Variants in CALU observed in about 807,000 individuals in gnomAD.
The protein encoded by CALU is calumenin.
In CALU, 13 loss-of-function variants were observed where a neutral mutation model predicts 37.5. The ratio of observed to expected loss-of-function variants is 0.35; its 90% CI spans 0.23 to 0.55. The LOEUF is 0.55. Among genes scored for constraint, CALU ranks in the 20% least tolerant of loss-of-function variants. The pLI is 0.89. For synonymous variants in CALU, 114 were observed against 133.8 expected (o/e 0.85, Z 1.02); for missense variants, 282 against 391.7 (o/e 0.72, Z 2.36).
intron 1 of CALU, among the ~76,000 whole-genome samples, chr7:128,744,574 G>T (rs562676724): frequency 6.6e-6 from 1 of 152,000 alleles, no homozygotes; most frequent in South Asian, 2.1e-4. Flanking sequence ...AAGAAGTAAA[G>T]ATGGACCATT....
intron 3 of CALU, among the ~76,000 whole-genome samples, chr7:128,756,254 C>A (rs990711316): frequency 5.9e-5 from 9 of 152,184 alleles, no homozygotes; most frequent in Non-Finnish European, 1.2e-4. Context: ...TCAGCTCCGA[C>A]CTAGGCACTC....
chr7:128,761,523 G>A (rs1043216141), intron 5 of CALU: 3 of 152,180 alleles, frequency 2.0e-5, no homozygotes, highest in Admixed American at 1.3e-4. Context: ...TCAAAACTGT[G>A]CTGATTAGTA....
At chr7:128,753,736 CTT>C (rs1276184500) in intron 2 of CALU, among the ~76,000 whole-genome samples, 1 of 152,060 alleles carries the variant, frequency 6.6e-6, no homozygotes, top group Non-Finnish European at 1.5e-5. Context: ...TTTCTGATAT[CTT>C]TGTATTTTTA....
At chr7:128,740,465 G>C (rs1455774202) in intron 1 of CALU, among the ~76,000 whole-genome samples, 2 of 151,952 alleles carry the variant, frequency 1.3e-5, no homozygotes, top group Non-Finnish European at 2.9e-5. Flanking sequence ...CCATAGAATG[G>C]AACTTGACAC....
Position 128,770,070 on chromosome 7 carries a change from C to G in CALU, c.*903C>G, listed in dbSNP as rs1801500880. ...ATGCCCCCATCCGGTTCCTCTTCTT[C>G]CCAGGTGTGCCAAGGAATTAATCTT... On this transcript the variant is annotated 3_prime_UTR_variant, in exon 7 of 7. Coordinates refer to ENST00000249364, the MANE Select transcript of CALU (RefSeq NM_001219.5). 1 of 152,584 alleles carries G rather than the reference C, an allele frequency of 6.6e-6. No individual in the cohort carries two copies. The highest frequency in any genetic ancestry group is 2.1e-4 in the South Asian group (1 of 4,818). The allele number at this position is 152,584 out of a possible 1,614,324, so 9.5% of individuals were successfully genotyped here. A position where few individuals can be genotyped will look rare whatever the true frequency, so the allele number is the denominator to read the frequency against.
intron 2 of CALU, 116 bp downstream of exon 2, chr7:128,748,920 T>C (rs1310757734): frequency 3.1e-6 from 2 of 651,920 alleles, no homozygotes; most frequent in African/African-American, 3.7e-5. Flanking sequence ...TAATACATCT[T>C]CTGAAAGCTA....
intron 1 of CALU, among the ~76,000 whole-genome samples, chr7:128,744,613 C>G (rs986404669): frequency 6.6e-6 from 1 of 151,858 alleles, no homozygotes; most frequent in African/African-American, 2.4e-5. Flanking sequence ...CCTTGATGAC[C>G]GTTGTAGGCA....
At chr7:128,759,974 T>A in intron 5 of CALU, 122 bp downstream of exon 5, 1 of 604,620 alleles carries the variant, frequency 1.7e-6, no homozygotes, top group East Asian at 3.1e-5. Flanking sequence ...GGCGGGCAGA[T>A]CACCTGAGGT....
intron 4 of CALU, among the ~76,000 whole-genome samples, chr7:128,759,384 A>G (rs888141140): frequency 6.6e-6 from 1 of 152,242 alleles, no homozygotes; most frequent in African/African-American, 2.4e-5. Context: ...AATAACAGTG[A>G]TACTAAAGAA....
rs376487937 is a variant in CALU at position 128,754,466 on chromosome 7, A to G, written c.415+11A>G. The G allele has an allele frequency of 6.2e-6, 10 of 1,610,492 alleles. No individual in the cohort carries two copies. The highest frequency in any genetic ancestry group is 3.4e-5 in the Admixed American group (2 of 59,490). On this transcript the variant is annotated intron_variant, in intron 3 of 6. Coordinates refer to ENST00000249364, the MANE Select transcript of CALU (RefSeq NM_001219.5). ...ACGGCTACGTTTTAGGTAGGTCCCTACTGTCTGGGGGAAAAAGCCTTGTGG... is the reference window on the plus strand; with the variant it reads ...ACGGCTACGTTTTAGGTAGGTCCCTGCTGTCTGGGGGAAAAAGCCTTGTGG...
chr7:128,752,747 C>T (rs542435749), intron 2 of CALU, among the ~76,000 whole-genome samples: 1 of 152,274 alleles, frequency 6.6e-6, no homozygotes, highest in South Asian at 2.1e-4. Flanking sequence ...TGCAGTGGCG[C>T]GATCTCAACT....
Position 128,772,054 on chromosome 7 carries a change from GTT to G in CALU, c.*2894_*2895del, listed in dbSNP as rs201424020. 3.3e-4 allele frequency among the ~76,000 whole-genome samples: 36 copies of G among 110,328 alleles called. No individual in the cohort carries two copies. The highest frequency in any genetic ancestry group is 1.1e-3 in the African/African-American group (32 of 28,938). The allele number at this position is 110,328 out of a possible 152,430, so 72.4% of individuals were successfully genotyped here. Reference sequence around the variant, plus strand: ...TCAAACTCATATTTGGGGCCACTGAGTTTTTTTTGTTTTTTTTTTTGTTTTGT... The same window carrying G: ...TCAAACTCATATTTGGGGCCACTGAGTTTTTTGTTTTTTTTTTTGTTTTGT... On this transcript the variant is annotated 3_prime_UTR_variant, in exon 7 of 7. Coordinates refer to ENST00000249364, the MANE Select transcript of CALU (RefSeq NM_001219.5).
chr7:128,740,638 G>A (rs1253648206), intron 1 of CALU, among the ~76,000 whole-genome samples: 13 of 106,954 alleles, frequency 1.2e-4, no homozygotes, highest in African/African-American at 4.4e-4. Flanking sequence ...CTAATCTGAG[G>A]TTTTACTGTG....
rs114225769 is a variant in CALU, at chr7:128,746,466, T to A, written c.-11-2107T>A. The stretch of plus-strand genomic sequence containing the variant: ...AGCCACCATGCCTGGCTGCTTTTTT[T>A]ATTTTTTTTGAGATAGGATCTCTGT... On this transcript the variant is annotated intron_variant, in intron 1 of 6. Coordinates refer to ENST00000249364, the MANE Select transcript of CALU (RefSeq NM_001219.5). Among the ~76,000 whole-genome samples the A allele has an allele frequency of 9.7e-3, 1,474 of 152,042 alleles. 37 individuals carry two copies. The highest frequency in any genetic ancestry group is 0.034 in the African/African-American group (1,393 of 41,458).
rs756481925 is a variant in CALU at position 128,753,611 on chromosome 7, C to G, written c.222-651C>G. 8.1e-4 allele frequency among the ~76,000 whole-genome samples: 123 copies of G among 152,294 alleles called. No homozygotes were observed. In the Middle Eastern group the frequency reaches 0.01, roughly 13 times the overall value. ...GAGTTCTCTGTTTTCATGTAAAAAT[C>G]CAATTCAACACAGTATTTAAAAGCT... On this transcript the variant is annotated intron_variant, in intron 2 of 6. Transcript: ENST00000249364.
chr7:128,766,438 T>C (rs1801335655), intron 5 of CALU, among the ~76,000 whole-genome samples: 1 of 146,150 alleles, frequency 6.8e-6, no homozygotes, highest in Non-Finnish European at 1.5e-5. Flanking sequence ...TTTTTTTTTT[T>C]TTTTTTTTGA....
intron 2 of CALU, among the ~76,000 whole-genome samples, chr7:128,753,476 G>T (rs540656964): frequency 7.2e-5 from 11 of 152,310 alleles, no homozygotes; most frequent in African/African-American, 2.6e-4. Context: ...GCTTCATAAA[G>T]CCACTGATTC....
chr7:128,746,706 C>T (rs1800455283), intron 1 of CALU, among the ~76,000 whole-genome samples: 1 of 152,060 alleles, frequency 6.6e-6, no homozygotes, highest in African/African-American at 2.4e-5. Flanking sequence ...CCTGCATTAG[C>T]CTCCCAAAGT....
chr7:128,746,537 TCCACCTGGTGGGTTCAAGCTATCCTC>T (rs1800447385), intron 1 of CALU, among the ~76,000 whole-genome samples: 1 of 151,918 alleles, frequency 6.6e-6, no homozygotes, highest in African/African-American at 2.4e-5. Context: ...AACTGCAACC[TCCACCTGGTGGGTTCAAGCTATCCTC>T]CCACCTCAGC....
Sources: gnomAD v4.1 joint callset for allele counts (sites outside exome capture counted in the v4.1 genomes callset) on GRCh38, gnomAD v4.1.1 for gene constraint, MANE v1.5 for transcripts, NCBI Gene and HGNC (gene_info 2026-07-23, HGNC 2026-07-21) for gene names.